LYSMD4: variants seen among roughly 807,000 people sequenced by gnomAD.
LYSMD4 encodes LysM domain containing 4.
LYSMD4 carries 9 observed loss-of-function variants against 6.1 expected under a neutral mutation model. That is an observed-to-expected ratio of 1.47 (90% CI 0.88 to 2.56). The LOEUF is 2.56. Among genes scored for constraint, LYSMD4 ranks in the 30% most tolerant of loss-of-function variants. The pLI, the probability that LYSMD4 is intolerant of heterozygous loss-of-function variation, is 0.00. For synonymous variants in LYSMD4, 143 were observed against 148.5 expected (o/e 0.96, Z 0.27); for missense variants, 384 against 373.5 (o/e 1.03, Z -0.23).
exon 1 of LYSMD4, chr15:99,716,500 T>C (rs1567541518): frequency 4.4e-6 from 2 of 456,824 alleles, no homozygotes; most frequent in East Asian, 6.9e-5. Flanking sequence ...GTCGAGACTC[T>C]GTCATGTTTG....
upstream of LYSMD4, among the ~76,000 whole-genome samples, chr15:99,719,940 T>G (rs956031842): frequency 2.0e-5 from 3 of 152,226 alleles, no homozygotes; most frequent in Non-Finnish European, 2.9e-5. Flanking sequence ...TTGAGCATTT[T>G]TTTCATATGT....
upstream of LYSMD4, among the ~76,000 whole-genome samples, chr15:99,718,003 TAGTACA>T (rs1402202840): frequency 1.3e-5 from 2 of 152,216 alleles, no homozygotes; most frequent in Non-Finnish European, 1.5e-5. Context: ...TACATAACCA[TAGTACA>T]AGTACGAGAA....
At chr15:99,722,280 G>A (rs1235161177), upstream of LYSMD4, among the ~76,000 whole-genome samples, 2 of 152,166 alleles carry the variant, frequency 1.3e-5, no homozygotes, top group African/African-American at 2.4e-5. Context: ...CACCACAGGA[G>A]CAGGACTGAA....
chr15:99,726,242 C>T (rs570490914), downstream of LYSMD4, among the ~76,000 whole-genome samples: 67 of 146,242 alleles, frequency 4.6e-4, no homozygotes, highest in Non-Finnish European at 8.1e-4. Context: ...CTCCTGGGCT[C>T]AAGCCATTCC....
At chr15:99,716,288 G>A in exon 1 of LYSMD4, 1 of 345,304 alleles carries the variant, frequency 2.9e-6, no homozygotes, top group Non-Finnish European at 5.7e-6. Context: ...GCACAAGCTG[G>A]ACTTTGTTGC....
chr15:99,730,943 C>T (rs2059393467), intron 2 of LYSMD4, among the ~76,000 whole-genome samples: 1 of 152,150 alleles, frequency 6.6e-6, no homozygotes, highest in Non-Finnish European at 1.5e-5. Flanking sequence ...TATGTGTCCC[C>T]GGAGACCAAC....
chr15:99,720,304 G>A (rs901068437), upstream of LYSMD4, among the ~76,000 whole-genome samples: 3 of 152,118 alleles, frequency 2.0e-5, no homozygotes, highest in African/African-American at 7.2e-5. Flanking sequence ...CTTGTATGTG[G>A]ATCTAATTTT....
Position 99,729,389 on chromosome 15 carries a change from T to C in LYSMD4, c.625A>G (p.Met209Val), listed in dbSNP as rs775566815. 2.0e-5 allele frequency: 32 copies of C among 1,614,108 alleles called. No individual in the cohort carries two copies. Among genetic ancestry groups the C allele is most frequent in the Admixed American group, 3.3e-5 (2 of 60,016 alleles). ...TGAATGCCACAATCTGCACCATCCATAGGCGTCTTCGGAGGTGCCGGGAGC... is the reference window on the plus strand; with the variant it reads ...TGAATGCCACAATCTGCACCATCCACAGGCGTCTTCGGAGGTGCCGGGAGC... ...PLLPAPPKTP[M>V]DGADCGIQWW... Residue 209 changes from methionine to valine, a missense_variant, in exon 3 of 3, where the codon ATG becomes GTG. By Grantham distance (21) the Met-to-Val change is conservative (BLOSUM62 1). Transcript: ENST00000684762.
chr15:99,733,321 G>A, intron 1 of LYSMD4, 24 bp downstream of exon 1: 1 of 391,778 alleles, frequency 2.6e-6, no homozygotes, highest in Non-Finnish European at 4.5e-6. Context: ...CCAGACCGCG[G>A]CCCCCTCGTC....
chr15:99,717,281 T>C (rs544623472), exon 1 of LYSMD4: 24 of 152,538 alleles, frequency 1.6e-4, no homozygotes, highest in Admixed American at 1.4e-3. Context: ...TTCATTACAT[T>C]TTCCTGCTTG....
chr15:99,719,915 CTATTA>C (rs1438863794), upstream of LYSMD4, among the ~76,000 whole-genome samples: 3 of 152,118 alleles, frequency 2.0e-5, no homozygotes, highest in African/African-American at 4.8e-5. Context: ...TTGCCTTTCT[CTATTA>C]TGAGTGAGAT....
At chr15:99,718,938 C>T (rs1017339024), upstream of LYSMD4, among the ~76,000 whole-genome samples, 2 of 146,766 alleles carry the variant, frequency 1.4e-5, no homozygotes, top group African/African-American at 2.6e-5. Context: ...CACACACACA[C>T]ACATCCATCC....
chr15:99,730,649 T>A (rs1207293483), intron 2 of LYSMD4, among the ~76,000 whole-genome samples: 1 of 152,260 alleles, frequency 6.6e-6, no homozygotes, highest in Non-Finnish European at 1.5e-5. Flanking sequence ...TAATTCACTA[T>A]GTCCTGAATC....
chr15:99,721,171 G>A (rs1461458135), upstream of LYSMD4, among the ~76,000 whole-genome samples: 5 of 152,198 alleles, frequency 3.3e-5, no homozygotes, highest in Non-Finnish European at 7.3e-5. Flanking sequence ...GCATTGACCT[G>A]CAGGGGTATC....
At chr15:99,720,664 T>C (rs2059231148), upstream of LYSMD4, 1 of 152,230 alleles carries the variant, frequency 6.6e-6, no homozygotes, top group Admixed American at 6.5e-5. Context: ...GACGTAACTA[T>C]TTTACTGCAT....
upstream of LYSMD4, among the ~76,000 whole-genome samples, chr15:99,718,424 A>G (rs561247303): frequency 2.9e-5 from 3 of 102,408 alleles, no homozygotes; most frequent in Admixed American, 2.9e-4. Flanking sequence ...TGGGGGAGAT[A>G]CCTTGAGACT....
chr15:99,731,664 G>C (rs537123788), intron 2 of LYSMD4, 54 bp downstream of exon 2: 15 of 1,529,186 alleles, frequency 9.8e-6, no homozygotes, highest in Non-Finnish European at 1.3e-5. Flanking sequence ...CCTGCAGTGA[G>C]TTCCCCGTGT....
At position 99,731,478 on chromosome 15, in the gene LYSMD4, G is replaced by A. The variant is rs1417321926; in HGVS notation, c.282+240C>T. The A allele has an allele frequency of 3.1e-6, 5 of 1,596,548 alleles. No individual in the cohort carries two copies. The Admixed American group carries it at 9.1e-5, about 29-fold the overall frequency. ...CAGTGTGGAGAAAACAGGAAAAGGA[G>A]AAGTTCCCTGCAGAGAAAGAAATGC... On this transcript the variant is annotated intron_variant, in intron 2 of 2. Transcript: ENST00000684762.
Position 99,731,822 on chromosome 15 carries a change from C to T in LYSMD4, c.178G>A (p.Val60Ile). 6.2e-7 allele frequency: 1 copy of T among 1,612,782 alleles called. No homozygotes were observed. The highest frequency in any genetic ancestry group is 8.5e-7 in the Non-Finnish European group (1 of 1,180,046). The change falls in exon 2 of 3, where the codon GTC becomes ATC. Residue 60 changes from valine to isoleucine, a missense_variant. Coordinates refer to ENST00000684762, the MANE Select transcript of LYSMD4 (RefSeq NM_001284417.2). Reference sequence around the variant, plus strand: ...GCTCCCGCCTGGGGAGGCTGGTGGACACCGCTCTTGTGGCGCTCCTTGCCC... The same window carrying T: ...GCTCCCGCCTGGGGAGGCTGGTGGATACCGCTCTTGTGGCGCTCCTTGCCC... ...PRGKERHKSG[V>I]HQPPQAGAGD...
Sources: gnomAD v4.1 joint callset for allele counts (sites outside exome capture counted in the v4.1 genomes callset) on GRCh38, gnomAD v4.1.1 for gene constraint, MANE v1.5 for transcripts, NCBI Gene and HGNC (gene_info 2026-07-23, HGNC 2026-07-21) for gene names.